The following C16orf78 variants were observed in gnomAD, a reference collection of about 807,000 sequenced individuals.
C16orf78 encodes the protein chromosome 16 open reading frame 78.
Under a neutral mutation model 27.3 loss-of-function variants are expected in C16orf78, and 19 were observed. The ratio of observed to expected loss-of-function variants is 0.70; its 90% confidence interval spans 0.49 to 1.02. The LOEUF is 1.02. Ranked by LOEUF, C16orf78 falls within the 50% of genes least tolerant of loss-of-function variation. C16orf78 has a pLI of 0.00. For missense variants in C16orf78, 339 were observed against 337.0 expected, an observed-to-expected ratio of 1.01 and a Z score of -0.05; for synonymous variants, 130 against 116.1, an observed-to-expected ratio of 1.12 and a Z score of -0.77.
At chr16:49,381,254 C>T (rs1296915205) in intron 3 of C16orf78, among the ~76,000 whole-genome samples, 1 of 152,156 alleles carries the variant, frequency 6.6e-6, no homozygotes, top group Non-Finnish European at 1.5e-5. Flanking sequence ...ATTGATTCTT[C>T]CTACCCATGA....
At chr16:49,396,379 G>A (rs372387224) in intron 3 of C16orf78, 44 bp from the exon 4 acceptor site, 15 of 1,602,490 alleles carry the variant, frequency 9.4e-6, no homozygotes, top group Admixed American at 3.4e-5. Flanking sequence ...CACCTCTCAC[G>A]TCTCCCACGG....
chr16:49,388,804 C>A (rs1182040564), intron 3 of C16orf78, among the ~76,000 whole-genome samples: 4 of 152,118 alleles, frequency 2.6e-5, no homozygotes, highest in Admixed American at 1.3e-4. Context: ...ACCCCTTGTG[C>A]CCAGCAAAAT....
chr16:49,393,652 T>C (rs1354661710), intron 3 of C16orf78, among the ~76,000 whole-genome samples: 1 of 151,836 alleles, frequency 6.6e-6, no homozygotes, highest in Non-Finnish European at 1.5e-5. Flanking sequence ...ATAAAACACA[T>C]AATAAAAGAA....
Position 49,396,667 on chromosome 16 carries a change from G to C in C16orf78, c.639G>C (p.Val213=). The change falls in exon 4 of 5, where the codon GTG becomes GTC. Residue 213 remains valine, a synonymous_variant. Transcript: ENST00000299191. ...ETMRMLKPEE[V]LSCRYLRLSK... The stretch of plus-strand genomic sequence containing the variant: ...TGAGGATGTTGAAGCCAGAGGAGGT[G>C]CTGAGCTGCCGGTGAGAGCTGCCAC... 6.2e-7 allele frequency: 1 copy of C among 1,607,984 alleles called. No homozygotes were observed.
At chr16:49,396,283 A>G in intron 3 of C16orf78, 140 bp from the exon 4 acceptor site, 1 of 933,866 alleles carries the variant, frequency 1.1e-6, no homozygotes, top group Non-Finnish European at 1.6e-6. Flanking sequence ...GAACCTGTGG[A>G]AGCCACGAAA....
intron 3 of C16orf78, among the ~76,000 whole-genome samples, chr16:49,389,752 A>G (rs191552445): frequency 8.5e-5 from 13 of 152,202 alleles, no homozygotes; most frequent in Middle Eastern, 3.4e-3. Flanking sequence ...GTTGCCACAC[A>G]TTATATTTTT....
rs1965248750 is a variant in C16orf78 at position 49,378,547 on chromosome 16, CAGCA to C, written c.349_352del (p.Ser117TrpfsTer40). ...GAGTGGAGCAAAAGGGGAAACACCTCAGCATGGTCCCTGGCAGCTACATCAAGGA... is the reference window on the plus strand; with the variant it reads ...GAGTGGAGCAAAAGGGGAAACACCTCTGGTCCCTGGCAGCTACATCAAGGA... On this transcript the variant is annotated frameshift_variant, in exon 3 of 5. Coordinates refer to ENST00000299191, the MANE Select transcript of C16orf78 (RefSeq NM_144602.4). LOFTEE classifies it high-confidence loss of function. 2 of 1,613,674 alleles carry C rather than the reference CAGCA, an allele frequency of 1.2e-6. No individual in the cohort carries two copies. Among genetic ancestry groups the C allele is most frequent in the East Asian group, 4.5e-5 (2 of 44,850 alleles).
chr16:49,390,201 C>A (rs1965396028), intron 3 of C16orf78, among the ~76,000 whole-genome samples: 2 of 152,066 alleles, frequency 1.3e-5, no homozygotes, highest in South Asian at 4.2e-4. Context: ...TTATGATGTG[C>A]CTCAGTGTCA....
chr16:49,375,614 A>C (rs966751487), intron 1 of C16orf78, among the ~76,000 whole-genome samples: 2 of 152,268 alleles, frequency 1.3e-5, no homozygotes, highest in Non-Finnish European at 2.9e-5. Context: ...ACCAGGCCCC[A>C]CCTCCAACAC....
At chr16:49,396,390 TCTAA>T in intron 3 of C16orf78, 29 bp from the exon 4 acceptor site, 3 of 1,610,996 alleles carry the variant, frequency 1.9e-6, no homozygotes, top group Non-Finnish European at 2.5e-6. Context: ...TCTCCCACGG[TCTAA>T]CTCTTTGATG....
rs757559961 is a variant in C16orf78 at position 49,396,587 on chromosome 16, G to C, written c.559G>C (p.Glu187Gln). The stretch of plus-strand genomic sequence containing the variant: ...CAACAAGATGCCTGACATGGCTTAC[G>C]AACGCAAGCTAAAGAGCCTCATGGA... ...WSNKMPDMAY[E>Q]RKLKSLMEKS... Residue 187 changes from glutamate (E) to glutamine (Q), a missense_variant, in exon 4 of 5, where the codon GAA becomes CAA. By Grantham distance (29) the Glu-to-Gln change is conservative. Coordinates refer to ENST00000299191, the MANE Select transcript of C16orf78 (RefSeq NM_144602.4). 6 of 1,614,134 alleles carry C rather than the reference G, an allele frequency of 3.7e-6. No homozygotes were observed. Among genetic ancestry groups the C allele is most frequent in the Non-Finnish European group, 5.1e-6 (6 of 1,180,042 alleles).
intron 3 of C16orf78, among the ~76,000 whole-genome samples, chr16:49,384,301 T>C (rs150098916): frequency 5.9e-5 from 8 of 134,750 alleles, no homozygotes; most frequent in African/African-American, 1.7e-4. Context: ...TGAGCCGAGA[T>C]AGTGCCATTG....
intron 2 of C16orf78, 90 bp downstream of exon 2, chr16:49,377,940 C>A: frequency 6.8e-7 from 1 of 1,474,564 alleles, no homozygotes; most frequent in Non-Finnish European, 9.0e-7. Context: ...TGCCTGCCTA[C>A]TTTCTAAATT....
chr16:49,399,003 G>A, intron 4 of C16orf78, 128 bp from the exon 5 acceptor site: 1 of 988,712 alleles, frequency 1.0e-6, no homozygotes, highest in Non-Finnish European at 1.5e-6. Flanking sequence ...CTCCATGGAT[G>A]ACTGGGAGAG....
chr16:49,381,734 G>T (rs987319406), intron 3 of C16orf78, among the ~76,000 whole-genome samples: 3 of 150,954 alleles, frequency 2.0e-5, no homozygotes, highest in African/African-American at 7.3e-5. Flanking sequence ...ACACCAGTTA[G>T]AATGGCAATC....
At chr16:49,394,107 A>G (rs1486647497) in intron 3 of C16orf78, among the ~76,000 whole-genome samples, 1 of 152,154 alleles carries the variant, frequency 6.6e-6, no homozygotes, top group Non-Finnish European at 1.5e-5. Flanking sequence ...GCACTAAGAC[A>G]AATGGTTTCA....
chr16:49,388,356 A>C (rs1030784390), intron 3 of C16orf78, among the ~76,000 whole-genome samples: 1 of 152,056 alleles, frequency 6.6e-6, no homozygotes, highest in Non-Finnish European at 1.5e-5. Flanking sequence ...AGTGATATAA[A>C]TTTCCCTCTG....
At chr16:49,389,839 A>G (rs1965392508) in intron 3 of C16orf78, among the ~76,000 whole-genome samples, 1 of 152,140 alleles carries the variant, frequency 6.6e-6, no homozygotes, top group Admixed American at 6.5e-5. Flanking sequence ...GTGTTTACTC[A>G]CATATTTAAC....
chr16:49,390,198 G>A (rs922054844), intron 3 of C16orf78, among the ~76,000 whole-genome samples: 1 of 152,124 alleles, frequency 6.6e-6, no homozygotes, highest in Admixed American at 6.5e-5. Flanking sequence ...AGCTTATGAT[G>A]TGCCTCAGTG....
Sources: allele counts gnomAD v4.1 joint callset (sites outside exome capture counted in the v4.1 genomes callset), GRCh38; gene constraint gnomAD v4.1.1; transcripts MANE v1.5; gene names NCBI Gene and HGNC (gene_info 2026-07-23, HGNC 2026-07-21).